REXO5: variants seen among roughly 807,000 people sequenced by gnomAD.
The protein encoded by REXO5 is RNA exonuclease 5.
Under a neutral mutation model 88.5 loss-of-function variants are expected in REXO5, and 48 were observed. The ratio of observed to expected loss-of-function variants is 0.54; its 90% CI spans 0.43 to 0.69. The LOEUF is 0.69. REXO5 is among the 30% of genes least tolerant of loss of function. The pLI, the probability that REXO5 is intolerant of heterozygous loss-of-function variation, is 0.00. For synonymous variants in REXO5, 311 were observed against 336.5 expected, an observed-to-expected ratio of 0.92 and a Z score of 0.83; for missense variants, 749 against 912.2, an observed-to-expected ratio of 0.82 and a Z score of 2.30.
At chr16:20,817,024 G>A (rs1305352555) in intron 5 of REXO5, among the ~76,000 whole-genome samples, 1 of 152,190 alleles carries the variant, frequency 6.6e-6, no homozygotes, top group African/African-American at 2.4e-5. Context: ...TTTGCAGGAA[G>A]GTGAGTGATA....
At chr16:20,826,744 A>C (rs942700995) in intron 8 of REXO5, among the ~76,000 whole-genome samples, 1 of 152,214 alleles carries the variant, frequency 6.6e-6, no homozygotes, top group East Asian at 1.9e-4. Context: ...TTGATGTGCA[A>C]ATGTGTTTAT....
chr16:20,848,415 G>T (rs919419478), intron 19 of REXO5, among the ~76,000 whole-genome samples: 1 of 152,158 alleles, frequency 6.6e-6, no homozygotes, highest in African/African-American at 2.4e-5. Context: ...GGTTGAGGTT[G>T]TCAGAATCTT....
intron 14 of REXO5, chr16:20,840,116 A>G (rs892743771): frequency 1.9e-6 from 1 of 525,718 alleles, no homozygotes; most frequent in South Asian, 3.5e-5. Flanking sequence ...CTTGTTTTTA[A>G]TGGCTACATA....
At chr16:20,824,556 G>A (rs1329175108) in intron 7 of REXO5, 29 bp downstream of exon 7, 4 of 1,383,784 alleles carry the variant, frequency 2.9e-6, no homozygotes, top group Non-Finnish European at 4.1e-6. Flanking sequence ...TTTTCAATTG[G>A]AGTGTTGCAA....
At chr16:20,815,163 G>T in intron 4 of REXO5, 110 bp downstream of exon 4, 5 of 1,250,712 alleles carry the variant, frequency 4.0e-6, no homozygotes, top group Non-Finnish European at 5.4e-6. Flanking sequence ...AAACAGTAGG[G>T]GATATAGAAA....
chr16:20,833,780 T>C (rs1420184516), intron 13 of REXO5, among the ~76,000 whole-genome samples: 1 of 152,206 alleles, frequency 6.6e-6, no homozygotes, highest in Non-Finnish European at 1.5e-5. Context: ...CCTAAACACT[T>C]CAGAGTGTAT....
chr16:20,847,436 C>CAA (rs550642998), intron 19 of REXO5, among the ~76,000 whole-genome samples: 833 of 80,454 alleles, frequency 0.01, 12 homozygotes, highest in African/African-American at 0.034. Context: ...ACTCTTATCT[C>CAA]AAAAAAAAAA....
chr16:20,806,638 T>C lies in REXO5; in HGVS notation c.-70T>C, dbSNP rs1335760846. On this transcript the variant is annotated 5_prime_UTR_variant, in exon 1 of 20. Coordinates refer to ENST00000261377, the MANE Select transcript of REXO5 (RefSeq NM_030941.3). ...GAGTGGTTTTAGGCGGCGAAGCCGC[T>C]CGGCAGCACCTTCCTTCTTTGCCAG... is the stretch of plus-strand genomic sequence containing the variant. 7.3e-5 allele frequency: 91 copies of C among 1,243,954 alleles called. No homozygotes were observed. The highest frequency in any genetic ancestry group is 9.5e-5 in the Non-Finnish European group (88 of 927,990). The allele number at this position is 1,243,954 out of a possible 1,614,324, so 77.1% of individuals were successfully genotyped here.
chr16:20,840,286 T>C, intron 14 of REXO5, 45 bp from the exon 15 acceptor site: 1 of 1,449,918 alleles, frequency 6.9e-7, no homozygotes, highest in Non-Finnish European at 9.2e-7. Context: ...TTCAGTTCTC[T>C]TTCCATATTC....
chr16:20,810,641 C>A (rs1424838286), intron 2 of REXO5, among the ~76,000 whole-genome samples: 1 of 152,182 alleles, frequency 6.6e-6, no homozygotes, highest in Non-Finnish European at 1.5e-5. Context: ...AGTGATCTGC[C>A]CACCTCGGCT....
intron 13 of REXO5, among the ~76,000 whole-genome samples, chr16:20,836,031 C>A (rs1298432708): frequency 6.6e-6 from 1 of 151,928 alleles, no homozygotes; most frequent in Non-Finnish European, 1.5e-5. Context: ...CAACAGAGAC[C>A]CTGTCTCAAA....
intron 2 of REXO5, among the ~76,000 whole-genome samples, chr16:20,809,131 TA>T (rs148852640): frequency 7.6e-4 from 115 of 152,310 alleles, no homozygotes; most frequent in Middle Eastern, 3.4e-3. Context: ...GACAATCACA[TA>T]TTTTGTTATG....
At chr16:20,818,746 C>T (rs965252503) in intron 5 of REXO5, among the ~76,000 whole-genome samples, 12 of 152,220 alleles carry the variant, frequency 7.9e-5, no homozygotes, top group African/African-American at 2.7e-4. Flanking sequence ...GCTGAAAGTA[C>T]AGGCGTGAGC....
chr16:20,839,660 A>C, intron 13 of REXO5, 95 bp from the exon 14 acceptor site: 1 of 736,836 alleles, frequency 1.4e-6, no homozygotes, highest in Non-Finnish European at 2.1e-6. Flanking sequence ...TATGCGTAAA[A>C]AGACAACTAC....
At chr16:20,828,873 G>A (rs1007438712) in intron 11 of REXO5, among the ~76,000 whole-genome samples, 1 of 151,920 alleles carries the variant, frequency 6.6e-6, no homozygotes, top group African/African-American at 2.4e-5. Context: ...GTTGCGGGGA[G>A]GCAGAGGTTG....
At chr16:20,813,998 G>C (rs995121077) in intron 3 of REXO5, among the ~76,000 whole-genome samples, 1 of 152,044 alleles carries the variant, frequency 6.6e-6, no homozygotes, top group Non-Finnish European at 1.5e-5. Context: ...ACGTCTTTCT[G>C]GGGGAGGTTG....
chr16:20,806,816 C>G, intron 1 of REXO5, 111 bp downstream of exon 1: 3 of 1,341,720 alleles, frequency 2.2e-6, no homozygotes, highest in Non-Finnish European at 3.0e-6. Context: ...GGGGATAGTT[C>G]GGTAAACTGA....
At chr16:20,813,905 A>T (rs1346396026) in intron 3 of REXO5, among the ~76,000 whole-genome samples, 1 of 152,088 alleles carries the variant, frequency 6.6e-6, no homozygotes, top group Non-Finnish European at 1.5e-5. Context: ...CAAAAAAAAA[A>T]GAGAATCTTA....
Position 20,849,631 on chromosome 16 carries a change from A to G in REXO5, c.*151A>G, listed in dbSNP as rs985159315. ...AGTTTAGTTTGTTTATATGGCATGTATAAGTTTTCAATAAATGCCTAAAGT... is the reference window on the plus strand; with the variant it reads ...AGTTTAGTTTGTTTATATGGCATGTGTAAGTTTTCAATAAATGCCTAAAGT... On this transcript the variant is annotated 3_prime_UTR_variant, in exon 20 of 20. Transcript: ENST00000261377. 4.7e-6 allele frequency: 3 copies of G among 642,938 alleles called. No homozygotes were observed. Among genetic ancestry groups the G allele is most frequent in the South Asian group, 1.9e-5 (1 of 52,848 alleles). The allele number at this position is 642,938 out of a possible 1,614,324, so 39.8% of individuals were successfully genotyped here.
Sources: gnomAD v4.1 joint callset for allele counts (sites outside exome capture counted in the v4.1 genomes callset) on GRCh38, gnomAD v4.1.1 for gene constraint, MANE v1.5 for transcripts, NCBI Gene and HGNC (gene_info 2026-07-23, HGNC 2026-07-21) for gene names.